Variants in VWC2 observed in about 807,000 individuals in gnomAD.
VWC2 encodes brorin.
Under a neutral mutation model 29.8 loss-of-function variants are expected in VWC2, and 14 were observed. The ratio of observed to expected loss-of-function variants is 0.47; its 90% CI spans 0.31 to 0.74. The LOEUF (loss-of-function observed/expected upper bound fraction) is 0.74. VWC2 is among the 30% of genes least tolerant of loss of function. The pLI is 0.05. For missense variants in VWC2, 457 were observed against 459.8 expected (o/e 0.99, Z 0.05); for synonymous variants, 213 against 199.0 (o/e 1.07, Z -0.59).
chr7:49,893,338 C>T (rs1792224333), intron 3 of VWC2, among the ~76,000 whole-genome samples: 1 of 152,060 alleles, frequency 6.6e-6, no homozygotes, highest in African/African-American at 2.4e-5. Context: ...CATAGCACTC[C>T]CTGGGAGTCA....
chr7:49,875,707 T>C (rs1448624009), intron 3 of VWC2, among the ~76,000 whole-genome samples: 3 of 152,134 alleles, frequency 2.0e-5, no homozygotes, highest in African/African-American at 4.8e-5. Context: ...TAACAGTGTC[T>C]GATGGAGTGG....
intron 3 of VWC2, among the ~76,000 whole-genome samples, chr7:49,852,120 G>A (rs1282669984): frequency 6.6e-6 from 1 of 152,238 alleles, no homozygotes; most frequent in Non-Finnish European, 1.5e-5. Context: ...ACCTGTGTCT[G>A]CTTTCTGGAG....
chr7:49,787,928 G>T (rs1265875566), intron 2 of VWC2, among the ~76,000 whole-genome samples: 2 of 152,224 alleles, frequency 1.3e-5, no homozygotes, highest in Admixed American at 6.5e-5. Context: ...TTAATGGTCA[G>T]ATCTCAGGGA....
rs777282786 is a variant in VWC2, at chr7:49,912,101, C to T, written c.894C>T (p.Thr298=). The T allele has an allele frequency of 6.8e-6, 11 of 1,614,004 alleles. No individual in the cohort carries two copies. The Admixed American group carries it at 1.2e-4, about 17-fold the overall frequency. ...GAGAAGTGAAGACTGACGAGTGCAC[C>T]ATATGCCACTGTACTTATGAGGAAG... ...AGREVKTDEC[T]ICHCTYEEGT... is the part of the protein sequence containing the mutation. Residue 298 remains threonine (T), a synonymous_variant, in exon 4 of 4, where the codon ACC becomes ACT. Coordinates refer to ENST00000340652, the MANE Select transcript of VWC2 (RefSeq NM_198570.5).
At chr7:49,890,123 G>T (rs1440477787) in intron 3 of VWC2, among the ~76,000 whole-genome samples, 1 of 152,062 alleles carries the variant, frequency 6.6e-6, no homozygotes, top group East Asian at 1.9e-4. Flanking sequence ...TCTCCTTTAG[G>T]AACAGAGGGA....
At chr7:49,866,220 C>T (rs1033883445) in intron 3 of VWC2, among the ~76,000 whole-genome samples, 3 of 152,188 alleles carry the variant, frequency 2.0e-5, no homozygotes, top group Non-Finnish European at 4.4e-5. Context: ...AACCAATAGA[C>T]CCTTCGCCAG....
At chr7:49,825,782 A>C (rs1562719991) in intron 3 of VWC2, among the ~76,000 whole-genome samples, 1 of 152,316 alleles carries the variant, frequency 6.6e-6, no homozygotes, top group East Asian at 1.9e-4. Flanking sequence ...ATGTTTCTTA[A>C]TGCACTTTTG....
chr7:49,789,910 C>CG (rs1245345388), intron 2 of VWC2, among the ~76,000 whole-genome samples: 17 of 152,294 alleles, frequency 1.1e-4, no homozygotes, highest in African/African-American at 4.1e-4. Flanking sequence ...CCTGGTGCTC[C>CG]GGGGGGCCCT....
intron 3 of VWC2, among the ~76,000 whole-genome samples, chr7:49,835,235 C>T (rs1789630271): frequency 6.6e-6 from 1 of 152,312 alleles, no homozygotes; most frequent in African/African-American, 2.4e-5. Flanking sequence ...GTCCAGAGCC[C>T]ACCTAGCAAG....
chr7:49,908,981 T>C (rs1350187883), intron 3 of VWC2, among the ~76,000 whole-genome samples: 1 of 152,198 alleles, frequency 6.6e-6, no homozygotes, highest in Admixed American at 6.5e-5. Context: ...TGCCCTGACA[T>C]AGAAAGATTA....
intron 1 of VWC2, among the ~76,000 whole-genome samples, chr7:49,774,622 G>C (rs1296048521): frequency 2.0e-5 from 3 of 152,182 alleles, no homozygotes; most frequent in African/African-American, 7.2e-5. Flanking sequence ...CGCTGCGGCC[G>C]GCGACCTGGC....
chr7:49,876,473 C>T (rs1791417990), intron 3 of VWC2, among the ~76,000 whole-genome samples: 1 of 152,054 alleles, frequency 6.6e-6, no homozygotes, highest in Admixed American at 6.6e-5. Context: ...TGTAAAAGCT[C>T]TTTTAAGACC....
chr7:49,912,303 T>G lies in VWC2; in HGVS notation c.*118T>G. ...CTTTTGATGAGGAATAATGGAAAAT[T>G]GTTGGTACTTTTCCTTTTCTTGATA... On this transcript the variant is annotated 3_prime_UTR_variant, in exon 4 of 4. Transcript: ENST00000340652. 1 of 1,096,566 alleles carries G rather than the reference T, an allele frequency of 9.1e-7. No individual in the cohort carries two copies. 67.9% of individuals were successfully genotyped at this position (1,096,566 alleles called of 1,614,324 possible). A position where few individuals can be genotyped will look rare whatever the true frequency, so the allele number is the denominator to read the frequency against.
At chr7:49,869,442 AGGGTAGCAAATC>A (rs1791041321) in intron 3 of VWC2, among the ~76,000 whole-genome samples, 1 of 152,242 alleles carries the variant, frequency 6.6e-6, no homozygotes, top group African/African-American at 2.4e-5. Context: ...AGCCTACACT[AGGGTAGCAAATC>A]GGATATAGGG....
At chr7:49,780,564 A>C (rs1463448605) in intron 2 of VWC2, among the ~76,000 whole-genome samples, 1 of 152,084 alleles carries the variant, frequency 6.6e-6, no homozygotes. Context: ...AATTTTTGTG[A>C]CTCTGAAATA....
chr7:49,783,501 C>G (rs1319552466), intron 2 of VWC2, among the ~76,000 whole-genome samples: 1 of 152,306 alleles, frequency 6.6e-6, no homozygotes, highest in Admixed American at 6.5e-5. Context: ...CCAGGCCTAC[C>G]TACCCTGTGA....
In VWC2 at chr7:49,802,825, C is replaced by T. The variant is rs1446920733; in HGVS notation, c.811C>T (p.Pro271Ser). 2 of 1,614,198 alleles carry T rather than the reference C, an allele frequency of 1.2e-6. No individual in the cohort carries two copies. Among genetic ancestry groups the T allele is most frequent in the South Asian group, 1.1e-5 (1 of 91,086 alleles). ...DPVYEPDQCCPICKNGPNCFA... is the reference protein window; with the variant it reads ...DPVYEPDQCCSICKNGPNCFA... ...TGTGTACGAGCCTGATCAGTGCTGT[C>T]CCATCTGCAAAAATGGTATGTGAGA... The change falls in exon 3 of 4, where the codon CCC becomes TCC. Residue 271 changes from proline to serine, a missense_variant. By Grantham distance (74) the Pro-to-Ser change is moderately conservative. This residue lies in a region of VWC2 where 185 missense variants were observed against 257.1 expected (regional missense o/e 0.72). Transcript: ENST00000340652.
chr7:49,860,141 T>C (rs1416704523), intron 3 of VWC2, among the ~76,000 whole-genome samples: 1 of 152,202 alleles, frequency 6.6e-6, no homozygotes, highest in Non-Finnish European at 1.5e-5. Context: ...TCTTTTTAAG[T>C]GTTCAATCCA....
At chr7:49,862,432 T>A (rs934657776) in intron 3 of VWC2, among the ~76,000 whole-genome samples, 2 of 152,192 alleles carry the variant, frequency 1.3e-5, no homozygotes, top group Non-Finnish European at 2.9e-5. Flanking sequence ...TAGTTTTATT[T>A]CTTCCTTTCC....
Sources: allele counts gnomAD v4.1 joint callset (sites outside exome capture counted in the v4.1 genomes callset), GRCh38; gene constraint gnomAD v4.1.1; regional missense constraint gnomAD v4.1.1; transcripts MANE v1.5; gene names NCBI Gene and HGNC (gene_info 2026-07-23, HGNC 2026-07-21).